Variants in SRPK2 observed in about 807,000 individuals in gnomAD.
The protein encoded by SRPK2 is SRSF protein kinase 2.
In SRPK2, 21 loss-of-function variants were observed where a neutral mutation model predicts 90.8. That is an observed-to-expected ratio of 0.23 (90% CI 0.16 to 0.33). The LOEUF (loss-of-function observed/expected upper bound fraction) is 0.33. Among genes scored for constraint, SRPK2 ranks in the 10% least tolerant of loss-of-function variants. The pLI is 1.00. For synonymous variants in SRPK2, 288 were observed against 311.1 expected, an observed-to-expected ratio of 0.93 and a Z score of 0.78; for missense variants, 620 against 869.0, an observed-to-expected ratio of 0.71 and a Z score of 3.60.
chr7:105,134,380 G>A (rs1802490770), intron 11 of SRPK2, among the ~76,000 whole-genome samples: 1 of 152,196 alleles, frequency 6.6e-6, no homozygotes, highest in African/African-American at 2.4e-5. Context: ...TAAGATGCCT[G>A]CTTCCCCTTC....
rs916538552 is a variant in SRPK2 at position 105,292,040 on chromosome 7, C to T, written c.72-88255G>A. On this transcript the variant is annotated intron_variant, in intron 2 of 15. Transcript: ENST00000393651. ...TGGCCTAGTCACCTCCTAGTTTTCC[C>T]GTTGCTCTCACGTGTTCCCTTCCAT... Among the ~76,000 whole-genome samples the T allele has an allele frequency of 3.3e-5, 5 of 152,270 alleles. No individual in the cohort carries two copies. In the South Asian group the frequency reaches 1.0e-3, roughly 32 times the overall value.
chr7:105,126,051 G>A (rs560955449), intron 15 of SRPK2, among the ~76,000 whole-genome samples, 197 bp downstream of exon 15: 43 of 152,230 alleles, frequency 2.8e-4, no homozygotes, highest in Admixed American at 4.6e-4. Flanking sequence ...GCACAGGAGA[G>A]GGGCTGGTGA....
chr7:105,130,860 G>A (rs754000865), intron 13 of SRPK2, among the ~76,000 whole-genome samples: 12 of 151,650 alleles, frequency 7.9e-5, no homozygotes, highest in African/African-American at 1.9e-4. Context: ...CTCATAAGCC[G>A]TCCTGACAGC....
intron 2 of SRPK2, among the ~76,000 whole-genome samples, chr7:105,316,208 A>G (rs1000979864): frequency 6.6e-6 from 1 of 152,030 alleles, no homozygotes; most frequent in East Asian, 1.9e-4. Context: ...TATTTTTAGT[A>G]GAGACTCAGC....
rs947086553 is a variant in SRPK2 at position 105,237,396 on chromosome 7, G to T, written c.72-33611C>A. Among the ~76,000 whole-genome samples, 7 of 152,094 alleles carry T rather than the reference G, an allele frequency of 4.6e-5. No homozygotes were observed. In the East Asian group the frequency reaches 7.7e-4, roughly 17 times the overall value. On this transcript the variant is annotated intron_variant, in intron 2 of 15. Transcript: ENST00000393651. ...TGAAAAGCACATTACACCTTTACTT[G>T]GCTCAATGACATGTTCTAATTCCTA...
intron 2 of SRPK2, among the ~76,000 whole-genome samples, chr7:105,279,918 C>T (rs777778060): frequency 6.6e-6 from 1 of 152,064 alleles, no homozygotes; most frequent in Non-Finnish European, 1.5e-5. Context: ...CAGCAGGAGG[C>T]CAAGTTTTAA....
chr7:105,388,392 C>T (rs1303805641), intron 2 of SRPK2, among the ~76,000 whole-genome samples: 3 of 149,406 alleles, frequency 2.0e-5, no homozygotes, highest in African/African-American at 7.3e-5. Flanking sequence ...CGCCCGCCGG[C>T]CGGTGGCGAC....
intron 9 of SRPK2, among the ~76,000 whole-genome samples, chr7:105,144,241 ATTTTTT>A (rs35535485): frequency 8.5e-6 from 1 of 117,190 alleles, no homozygotes; most frequent in Admixed American, 9.1e-5. Flanking sequence ...CACCCGGCTA[ATTTTTT>A]TTTTTTTTTT....
chr7:105,299,598 T>C (rs961763311), intron 2 of SRPK2, among the ~76,000 whole-genome samples: 1 of 152,186 alleles, frequency 6.6e-6, no homozygotes, highest in Non-Finnish European at 1.5e-5. Flanking sequence ...ATCTTTAGAA[T>C]GTAATGGGAT....
chr7:105,217,744 A>G (rs969397464), intron 2 of SRPK2, among the ~76,000 whole-genome samples: 2 of 152,172 alleles, frequency 1.3e-5, no homozygotes, highest in African/African-American at 4.8e-5. Flanking sequence ...CTAAAATGAG[A>G]AAAAAATGAG....
At chr7:105,287,537 G>A (rs1808333053) in intron 2 of SRPK2, among the ~76,000 whole-genome samples, 1 of 152,060 alleles carries the variant, frequency 6.6e-6, no homozygotes, top group African/African-American at 2.4e-5. Flanking sequence ...AGGAGTTCAA[G>A]ACCAGCTTGG....
chr7:105,372,260 A>G (rs1455776007), intron 2 of SRPK2, among the ~76,000 whole-genome samples: 1 of 152,154 alleles, frequency 6.6e-6, no homozygotes, highest in Non-Finnish European at 1.5e-5. Context: ...ACAGCTTCAT[A>G]AAACAAGAGT....
At chr7:105,268,466 C>A (rs916184649) in intron 2 of SRPK2, among the ~76,000 whole-genome samples, 3 of 152,168 alleles carry the variant, frequency 2.0e-5, no homozygotes, top group African/African-American at 7.2e-5. Flanking sequence ...AGGAAGAAAA[C>A]CTCACAGCAT....
rs532398762 is a variant in SRPK2, at chr7:105,316,502, C to T, written c.71+72146G>A. On this transcript the variant is annotated intron_variant, in intron 2 of 15. Transcript: ENST00000393651. The stretch of plus-strand genomic sequence containing the variant: ...ACAATTCTAAAAACCAGGGAGCCCA[C>T]CAGATAAACTACATTCCTGACTTGT... 2.6e-5 allele frequency among the ~76,000 whole-genome samples: 4 copies of T among 152,240 alleles called. No homozygotes were observed. In the South Asian group the frequency reaches 8.3e-4, roughly 32 times the overall value.
chr7:105,144,403 G>A (rs1271838639), intron 9 of SRPK2, among the ~76,000 whole-genome samples: 1 of 151,908 alleles, frequency 6.6e-6, no homozygotes, highest in East Asian at 1.9e-4. Flanking sequence ...AGCACACTCA[G>A]CTAGTTTTTG....
rs1371375581 is a variant in SRPK2, at chr7:105,158,827, T to A, written c.621+1680A>T. Among the ~76,000 whole-genome samples, 5 of 151,090 alleles carry A rather than the reference T, an allele frequency of 3.3e-5. No individual in the cohort carries two copies. In the South Asian group the frequency reaches 6.3e-4, roughly 19 times the overall value. On this transcript the variant is annotated intron_variant, in intron 7 of 15. Coordinates refer to ENST00000393651, the MANE Select transcript of SRPK2 (RefSeq NM_182692.3). ...GTTTTTTTGTGTTTTTTTTTTTTTT[T>A]AAAGACTTTAGAGTTGCTGCTAAAT...
chr7:105,172,865 T>C lies in SRPK2; in HGVS notation c.230-3600A>G, dbSNP rs373436234. Among the ~76,000 whole-genome samples the C allele has an allele frequency of 7.2e-5, 11 of 152,344 alleles. No homozygotes were observed. The East Asian group carries it at 1.7e-3, about 24-fold the overall frequency. On this transcript the variant is annotated intron_variant, in intron 3 of 15. Coordinates refer to ENST00000393651, the MANE Select transcript of SRPK2 (RefSeq NM_182692.3). Reference sequence around the variant, plus strand: ...TGTCACTAAATTTAAAAATAATTTATGCATAAAAAGAAACCTGTATCACTA... The same window carrying C: ...TGTCACTAAATTTAAAAATAATTTACGCATAAAAAGAAACCTGTATCACTA...
intron 2 of SRPK2, among the ~76,000 whole-genome samples, chr7:105,317,228 C>T (rs1368182770): frequency 6.6e-6 from 1 of 152,172 alleles, no homozygotes; most frequent in East Asian, 1.9e-4. Flanking sequence ...GGCATCTTAG[C>T]ACAAATCAAT....
chr7:105,305,734 A>G (rs1811076210), intron 2 of SRPK2, among the ~76,000 whole-genome samples: 1 of 152,188 alleles, frequency 6.6e-6, no homozygotes, highest in African/African-American at 2.4e-5. Context: ...GGAGGGGGAA[A>G]AAAAGCAGTT....
Sources: gnomAD v4.1 joint callset for allele counts (sites outside exome capture counted in the v4.1 genomes callset) on GRCh38, gnomAD v4.1.1 for gene constraint, MANE v1.5 for transcripts, NCBI Gene and HGNC (gene_info 2026-07-23, HGNC 2026-07-21) for gene names.